CACNA2D1: variants seen among roughly 807,000 people sequenced by gnomAD.
CACNA2D1 encodes the protein calcium voltage-gated channel auxiliary subunit alpha2delta 1, also known as voltage-dependent calcium channel subunit alpha-2/delta-1.
A neutral mutation model predicts 171.5 loss-of-function variants in CACNA2D1; 53 were observed. The observed-to-expected ratio is 0.31, with a 90% confidence interval of 0.25 to 0.39. CACNA2D1 has a LOEUF of 0.39. Among genes scored for constraint, CACNA2D1 ranks in the 10% least tolerant of loss-of-function variants. The pLI, the probability that CACNA2D1 is intolerant of heterozygous loss-of-function variation, is 1.00. For synonymous variants in CACNA2D1, 442 were observed against 443.1 expected (o/e 1.00, Z 0.03); for missense variants, 903 against 1,299.8 (o/e 0.69, Z 4.69).
intron 1 of CACNA2D1, among the ~76,000 whole-genome samples, chr7:82,433,050 T>A (rs1314621163): frequency 6.6e-6 from 1 of 151,990 alleles, no homozygotes; most frequent in African/African-American, 2.4e-5. Flanking sequence ...TAGCCGGGTG[T>A]GGTGGCGTGC....
In CACNA2D1 at chr7:82,443,554, G is replaced by T. The variant is rs1409580938; in HGVS notation, c.-95C>A. ...CGGAGGAAGAGCAGCACACGCCGCCGGGACCGCGGGCGTCTGGAGGGCTGG... is the reference window on the plus strand; with the variant it reads ...CGGAGGAAGAGCAGCACACGCCGCCTGGACCGCGGGCGTCTGGAGGGCTGG... On this transcript the variant is annotated 5_prime_UTR_variant, in exon 1 of 39. Transcript: ENST00000356860. 3 of 1,521,360 alleles carry T rather than the reference G, an allele frequency of 2.0e-6. No homozygotes were observed. The highest frequency in any genetic ancestry group is 2.6e-6 in the Non-Finnish European group (3 of 1,133,556). 94.2% of individuals were successfully genotyped at this position (1,521,360 alleles called of 1,614,324 possible).
At chr7:82,425,429 A>G (rs1829084211) in intron 1 of CACNA2D1, among the ~76,000 whole-genome samples, 1 of 152,154 alleles carries the variant, frequency 6.6e-6, no homozygotes, top group African/African-American at 2.4e-5. Flanking sequence ...ATAAATGTAT[A>G]TTGTTTTAAA....
chr7:82,021,411 C>T (rs1314854186), intron 12 of CACNA2D1, among the ~76,000 whole-genome samples: 1 of 152,066 alleles, frequency 6.6e-6, no homozygotes, highest in Non-Finnish European at 1.5e-5. Flanking sequence ...ACATCTATAA[C>T]AGTTTTATTC....
chr7:81,966,443 T>A (rs1794714606), intron 31 of CACNA2D1, among the ~76,000 whole-genome samples: 1 of 151,516 alleles, frequency 6.6e-6, no homozygotes, highest in Non-Finnish European at 1.5e-5. Flanking sequence ...ACAAAAATCA[T>A]TAAAATTATT....
chr7:82,282,541 T>G (rs1470230817), intron 3 of CACNA2D1, among the ~76,000 whole-genome samples: 1 of 152,198 alleles, frequency 6.6e-6, no homozygotes, highest in Non-Finnish European at 1.5e-5. Flanking sequence ...AGAAAAACTC[T>G]TAGCAGAAGG....
At chr7:82,171,438 T>C (rs917895731) in intron 3 of CACNA2D1, among the ~76,000 whole-genome samples, 5 of 152,020 alleles carry the variant, frequency 3.3e-5, no homozygotes, top group African/African-American at 4.8e-5. Flanking sequence ...GAACACAGAG[T>C]TGGGGACCCG....
intron 2 of CACNA2D1, among the ~76,000 whole-genome samples, chr7:82,341,348 T>C (rs945769179): frequency 6.6e-6 from 1 of 152,172 alleles, no homozygotes; most frequent in Non-Finnish European, 1.5e-5. Flanking sequence ...TTCCTTCACC[T>C]AAGGTAAAGA....
At chr7:82,366,008 T>A (rs1180823657) in intron 1 of CACNA2D1, among the ~76,000 whole-genome samples, 1 of 152,148 alleles carries the variant, frequency 6.6e-6, no homozygotes, top group East Asian at 1.9e-4. Flanking sequence ...TGGAGAAACG[T>A]TAGCACTGAG....
intron 4 of CACNA2D1, among the ~76,000 whole-genome samples, chr7:82,138,646 C>T (rs1425865945): frequency 6.6e-6 from 1 of 151,938 alleles, no homozygotes; most frequent in Non-Finnish European, 1.5e-5. Flanking sequence ...TGGGGTTTTA[C>T]TGTGTTAGCC....
At chr7:82,133,161 T>C (rs554393359) in intron 5 of CACNA2D1, among the ~76,000 whole-genome samples, 4 of 152,308 alleles carry the variant, frequency 2.6e-5, no homozygotes, top group South Asian at 2.1e-4. Context: ...GCCTTAAACA[T>C]GGCCAAATGC....
At chr7:82,075,297 T>C (rs1345098626) in intron 7 of CACNA2D1, among the ~76,000 whole-genome samples, 1 of 152,162 alleles carries the variant, frequency 6.6e-6, no homozygotes, top group Non-Finnish European at 1.5e-5. Flanking sequence ...AAAGCATTTT[T>C]ATTTAAAGGG....
chr7:82,434,388 A>G (rs1340584107), intron 1 of CACNA2D1, among the ~76,000 whole-genome samples: 1 of 152,172 alleles, frequency 6.6e-6, no homozygotes, highest in Non-Finnish European at 1.5e-5. Flanking sequence ...GGTATGTAAC[A>G]TAGGTAAACT....
chr7:81,951,500 C>T (rs79964124), intron 38 of CACNA2D1, among the ~76,000 whole-genome samples: 2,339 of 151,738 alleles, frequency 0.015, 61 homozygotes, highest in African/African-American at 0.054. Context: ...CCCTTACTCC[C>T]ATTCCTCCCA....
At chr7:82,231,474 C>A (rs1378118026) in intron 3 of CACNA2D1, among the ~76,000 whole-genome samples, 2 of 152,130 alleles carry the variant, frequency 1.3e-5, no homozygotes, top group Non-Finnish European at 2.9e-5. Context: ...TTCACATTTT[C>A]AAAGAGCTAT....
chr7:82,009,152 T>C (rs1366782195), intron 15 of CACNA2D1: 1 of 152,134 alleles, frequency 6.6e-6, no homozygotes, highest in Non-Finnish European at 1.5e-5. Flanking sequence ...TGATGGTTTT[T>C]AAGTGGCTTT....
chr7:82,377,611 C>A (rs1236026273), intron 1 of CACNA2D1, among the ~76,000 whole-genome samples: 1 of 152,074 alleles, frequency 6.6e-6, no homozygotes, highest in Admixed American at 6.5e-5. Context: ...ATTGATTGGC[C>A]CATGAATACT....
chr7:81,975,251 T>A (rs1309743037), intron 24 of CACNA2D1, among the ~76,000 whole-genome samples: 3 of 152,114 alleles, frequency 2.0e-5, no homozygotes, highest in Non-Finnish European at 4.4e-5. Flanking sequence ...TATGACTGTC[T>A]GAAAATAAAA....
chr7:81,959,229 G>C (rs1438511622), intron 38 of CACNA2D1, 46 bp downstream of exon 38: 2 of 1,294,618 alleles, frequency 1.5e-6, no homozygotes, highest in Non-Finnish European at 2.3e-6. Context: ...TGCGGACAGT[G>C]ACCATTAATT....
At chr7:82,331,836 T>A (rs1054065362) in intron 3 of CACNA2D1, among the ~76,000 whole-genome samples, 1 of 152,208 alleles carries the variant, frequency 6.6e-6, no homozygotes, top group African/African-American at 2.4e-5. Context: ...AAATGTAGAC[T>A]GATAAAATCA....
Sources: allele counts gnomAD v4.1 joint callset (sites outside exome capture counted in the v4.1 genomes callset), GRCh38; gene constraint gnomAD v4.1.1; transcripts MANE v1.5; gene names NCBI Gene and HGNC (gene_info 2026-07-23, HGNC 2026-07-21).